The following RRP12 variants were observed in gnomAD, a reference collection of about 807,000 sequenced individuals.
RRP12 encodes ribosomal RNA processing 12 homolog, also known as RRP12-like protein.
A neutral mutation model predicts 157.3 loss-of-function variants in RRP12; 78 were observed. The observed-to-expected ratio is 0.50, with a 90% confidence interval of 0.41 to 0.60. The LOEUF is 0.60. Among genes scored for constraint, RRP12 ranks in the 20% least tolerant of loss-of-function variants. The pLI is 0.00. For synonymous variants in RRP12, 726 were observed against 670.9 expected (o/e 1.08, Z -1.27); for missense variants, 1,521 against 1,679.9 (o/e 0.91, Z 1.65).
At position 97,366,612 on chromosome 10, in the gene RRP12, C is replaced by A. The variant is rs1283857332; in HGVS notation, c.3225G>T (p.Glu1075Asp). 1.2e-6 allele frequency: 2 copies of A among 1,612,312 alleles called. No homozygotes were observed. The highest frequency in any genetic ancestry group is 2.7e-5 in the African/African-American group (2 of 74,896). ...PAQGKGDSIE[E>D]ILADSEDEED... ...CCTCGTCCTCTGAGTCAGCTAAAAT[C>A]TCCTCAATGCTAAGGACAAAAAGCC... The change falls in exon 28 of 34, where the codon GAG becomes GAT. Residue 1075 changes from glutamate to aspartate, a missense_variant. Physicochemically the swap from Glu to Asp is conservative, Grantham distance 45 (BLOSUM62 2). Transcript: ENST00000370992.
chr10:97,377,122 C>A (rs1844331265), intron 15 of RRP12, among the ~76,000 whole-genome samples: 1 of 151,886 alleles, frequency 6.6e-6, no homozygotes, highest in Non-Finnish European at 1.5e-5. Context: ...TCAGGTGATC[C>A]ACCCACCTCG....
chr10:97,394,861 G>GC (rs1844911579), intron 3 of RRP12, among the ~76,000 whole-genome samples: 1 of 152,138 alleles, frequency 6.6e-6, no homozygotes, highest in African/African-American at 2.4e-5. Flanking sequence ...GTAATAACCA[G>GC]GCTGGGCATG....
chr10:97,400,023 G>A (rs894394944), intron 2 of RRP12, among the ~76,000 whole-genome samples: 1 of 152,208 alleles, frequency 6.6e-6, no homozygotes, highest in African/African-American at 2.4e-5. Flanking sequence ...CTCAACATAT[G>A]TTTATTGAAA....
chr10:97,367,212 G>A (rs947042975), intron 25 of RRP12, 80 bp from the exon 26 acceptor site: 100 of 1,245,144 alleles, frequency 8.0e-5, no homozygotes, highest in Non-Finnish European at 1.0e-4. Flanking sequence ...GCCCAGGGAC[G>A]CAGCATGATC....
intron 3 of RRP12, among the ~76,000 whole-genome samples, chr10:97,394,372 T>C (rs1161851149): frequency 6.6e-6 from 1 of 152,110 alleles, no homozygotes; most frequent in African/African-American, 2.4e-5. Context: ...ACTATATATA[T>C]GTTTATGTGC....
chr10:97,380,352 C>T (rs947673669), intron 13 of RRP12, among the ~76,000 whole-genome samples: 6 of 152,226 alleles, frequency 3.9e-5, no homozygotes, highest in African/African-American at 1.4e-4. Context: ...CTCAGGCCCC[C>T]ACTCTCTCCT....
chr10:97,367,033 GCA>G lies in RRP12; in HGVS notation c.3047+6_3047+7del, dbSNP rs752814650. ...TGCCCTACCCCCGCCCCTGCTCAGT[GCA>G]CAGACCCAAACTTGCGGATGAACTT... On this transcript the variant is annotated splice_donor_region_variant and intron_variant, in intron 26 of 33. Transcript: ENST00000370992. The G allele has an allele frequency of 6.8e-5, 110 of 1,613,816 alleles. 3 individuals carry two copies. The South Asian group carries it at 1.2e-3, about 17-fold the overall frequency.
intron 15 of RRP12, among the ~76,000 whole-genome samples, chr10:97,377,215 C>T (rs1229068189): frequency 6.6e-6 from 1 of 151,684 alleles, no homozygotes; most frequent in East Asian, 2.0e-4. Context: ...ATAACTCTGT[C>T]ATTAAAAAGT....
chr10:97,393,781 G>T lies in RRP12; in HGVS notation c.454-21C>A, dbSNP rs756964912. 22 of 1,604,680 alleles carry T rather than the reference G, an allele frequency of 1.4e-5. No homozygotes were observed. In the South Asian group the frequency reaches 2.1e-4, roughly 15 times the overall value. On this transcript the variant is annotated intron_variant, in intron 3 of 33. Transcript: ENST00000370992. ...GTCATCTGAGGGCCAGATTGAGGGG[G>T]TTTGAATGGATAAAAACTTACACTG...
chr10:97,363,468 C>T (rs1429116260), intron 30 of RRP12, among the ~76,000 whole-genome samples: 1 of 139,844 alleles, frequency 7.2e-6, no homozygotes, highest in East Asian at 1.9e-4. Flanking sequence ...CTCCTCTGGT[C>T]ACTGGGACAA....
intron 20 of RRP12, 154 bp downstream of exon 20, chr10:97,371,919 C>G (rs12269603): frequency 3.4e-6 from 2 of 592,276 alleles, no homozygotes; most frequent in Admixed American, 2.9e-5. Flanking sequence ...ATGGGCTACA[C>G]AGGACACAAA....
At chr10:97,386,020 A>G in intron 8 of RRP12, 27 bp from the exon 9 acceptor site, 11 of 1,490,862 alleles carry the variant, frequency 7.4e-6, no homozygotes, top group Non-Finnish European at 1.0e-5. Context: ...AGGCTTAGAA[A>G]GGAACTACAA....
intron 17 of RRP12, 105 bp from the exon 18 acceptor site, chr10:97,373,305 A>G (rs1401744695): frequency 7.9e-7 from 1 of 1,260,826 alleles, no homozygotes; most frequent in Admixed American, 2.4e-5. Flanking sequence ...AGCTGGCAGG[A>G]CTTGGAATCC....
In RRP12 at chr10:97,370,934, G is replaced by A; in HGVS notation, c.2491C>T (p.Pro831Ser). Residue 831 changes from proline (P) to serine (S), a missense_variant, in exon 21 of 34, where the codon CCC (proline) becomes TCC (serine). Transcript: ENST00000370992. ...CCTAGAGCCCTCACCCTCTTGGCGGGTGAGGAGGTGCTCCGCAGCGAGTCC... is the reference window on the plus strand; with the variant it reads ...CCTAGAGCCCTCACCCTCTTGGCGGATGAGGAGGTGCTCCGCAGCGAGTCC... The part of the protein sequence containing the change: ...LLDSLRSTSS[P>S]AKRPRLKCLL... 3 of 1,614,032 alleles carry A rather than the reference G, an allele frequency of 1.9e-6. No individual in the cohort carries two copies. Among genetic ancestry groups the A allele is most frequent in the South Asian group, 1.1e-5 (1 of 91,086 alleles).
chr10:97,399,895 C>T lies in RRP12; in HGVS notation c.369+410G>A, dbSNP rs1173446129. The stretch of plus-strand genomic sequence containing the variant: ...ATTGCGCTACTGCACTCCAGCCTGG[C>T]CAACAGAACGAGACTCTGTCTCAAA... On this transcript the variant is annotated intron_variant, in intron 2 of 33. Coordinates refer to ENST00000370992, the MANE Select transcript of RRP12 (RefSeq NM_015179.4). Among the ~76,000 whole-genome samples, 4 of 151,884 alleles carry T rather than the reference C, an allele frequency of 2.6e-5. No homozygotes were observed. In the South Asian group the frequency reaches 8.3e-4, roughly 32 times the overall value.
chr10:97,370,291 A>G lies in RRP12; in HGVS notation c.2690-17T>C. On this transcript the variant is annotated splice_polypyrimidine_tract_variant and intron_variant, in intron 23 of 33. Coordinates refer to ENST00000370992, the MANE Select transcript of RRP12 (RefSeq NM_015179.4). ...GCAGGGCCTCTGGGGACAGAGACCAACGTGGGTCAAGCAGGAAGGACCCAC... is the reference window on the plus strand; with the variant it reads ...GCAGGGCCTCTGGGGACAGAGACCAGCGTGGGTCAAGCAGGAAGGACCCAC... 3.2e-6 allele frequency: 5 copies of G among 1,561,072 alleles called. No homozygotes were observed. Among genetic ancestry groups the G allele is most frequent in the Non-Finnish European group, 4.4e-6 (5 of 1,146,570 alleles).
At chr10:97,363,937 T>C (rs773990371) in intron 29 of RRP12, 34 bp from the exon 30 acceptor site, 2 of 1,603,338 alleles carry the variant, frequency 1.2e-6, no homozygotes, top group Admixed American at 1.7e-5. Context: ...ATGAGCGCTG[T>C]GGGAGCTCCT....
intron 6 of RRP12, among the ~76,000 whole-genome samples, chr10:97,388,913 T>C (rs1460579496): frequency 2.0e-5 from 3 of 151,666 alleles, no homozygotes; most frequent in Non-Finnish European, 4.4e-5. Flanking sequence ...AAAACAGGGG[T>C]TTCTTCATTC....
chr10:97,358,496 C>T (rs1843766596), intron 33 of RRP12, 41 bp downstream of exon 33: 2 of 1,470,112 alleles, frequency 1.4e-6, no homozygotes, highest in Admixed American at 1.7e-5. Flanking sequence ...CTCATCCCCA[C>T]CCATCCTCCA....
Sources: gnomAD v4.1 joint callset for allele counts (sites outside exome capture counted in the v4.1 genomes callset) on GRCh38, gnomAD v4.1.1 for gene constraint, MANE v1.5 for transcripts, NCBI Gene and HGNC (gene_info 2026-07-23, HGNC 2026-07-21) for gene names.